The following ATP8A2 variants were observed in gnomAD, a reference collection of about 807,000 sequenced individuals.
The protein encoded by ATP8A2 is phospholipid-transporting ATPase IB.
In ATP8A2, 100 loss-of-function variants were observed where a neutral mutation model predicts 165.6. The ratio of observed to expected loss-of-function variants is 0.60; its 90% confidence interval spans 0.51 to 0.71. The LOEUF (loss-of-function observed/expected upper bound fraction) is 0.71. Ranked by LOEUF, ATP8A2 falls within the 30% of genes least tolerant of loss-of-function variation. ATP8A2 has a pLI of 0.00. For synonymous variants in ATP8A2, 543 were observed against 548.8 expected (o/e 0.99, Z 0.15); for missense variants, 1,227 against 1,479.5 (o/e 0.83, Z 2.80).
intron 2 of ATP8A2, among the ~76,000 whole-genome samples, chr13:25,471,835 ATAAAG>A (rs889067567): frequency 5.9e-5 from 9 of 152,214 alleles, no homozygotes; most frequent in African/African-American, 2.2e-4. Context: ...TTGGTGAGGA[ATAAAG>A]TAGTCAGTTA....
intron 10 of ATP8A2, among the ~76,000 whole-genome samples, chr13:25,545,626 T>C (rs1398664314): frequency 6.6e-6 from 1 of 152,202 alleles, no homozygotes; most frequent in Non-Finnish European, 1.5e-5. Flanking sequence ...TCACTACTTC[T>C]GGCTTTTGTT....
intron 24 of ATP8A2, among the ~76,000 whole-genome samples, chr13:25,606,793 G>A (rs1236446188): frequency 6.6e-6 from 1 of 152,156 alleles, no homozygotes; most frequent in African/African-American, 2.4e-5. Flanking sequence ...GTCACATGTG[G>A]TTATTAATCA....
chr13:26,024,972 G>C lies in ATP8A2; in HGVS notation c.*4987G>C, dbSNP rs550654985. On this transcript the variant is annotated 3_prime_UTR_variant, in exon 37 of 37. Transcript: ENST00000381655. ...GAGCCTTTTATAGGTAAGCTCTTCC[G>C]TGTGAAAGAGAAAAGGCCGGAAAGA... 2 of 152,040 alleles carry C rather than the reference G, an allele frequency of 1.3e-5. No individual in the cohort carries two copies. The highest frequency in any genetic ancestry group is 4.2e-4 in the South Asian group (2 of 4,812). The allele number at this position is 152,040 out of a possible 1,614,324, so 9.4% of individuals were successfully genotyped here.
intron 4 of ATP8A2, among the ~76,000 whole-genome samples, chr13:25,531,327 T>TATATATG (rs1478152800): frequency 3.6e-5 from 3 of 83,318 alleles, no homozygotes; most frequent in Admixed American, 1.3e-4. Flanking sequence ...TTATATATGA[T>TATATATG]ATATATATGT....
At chr13:25,572,123 A>C (rs1330548730) in intron 18 of ATP8A2, among the ~76,000 whole-genome samples, 1 of 149,476 alleles carries the variant, frequency 6.7e-6, no homozygotes, top group African/African-American at 2.5e-5. Context: ...CAGCGTTAAG[A>C]TCTCTCTCTC....
At chr13:25,501,864 G>A (rs1338324346) in intron 2 of ATP8A2, among the ~76,000 whole-genome samples, 1 of 152,206 alleles carries the variant, frequency 6.6e-6, no homozygotes, top group East Asian at 1.9e-4. Flanking sequence ...CCAGAAAGGA[G>A]TAGGACTAGA....
intron 2 of ATP8A2, among the ~76,000 whole-genome samples, chr13:25,528,303 A>C (rs1341339969): frequency 6.6e-6 from 1 of 152,198 alleles, no homozygotes; most frequent in African/African-American, 2.4e-5. Context: ...TCTTCATATA[A>C]CATCACATAC....
At chr13:25,514,809 A>T (rs1211296791) in intron 2 of ATP8A2, among the ~76,000 whole-genome samples, 1 of 152,116 alleles carries the variant, frequency 6.6e-6, no homozygotes, top group Admixed American at 6.5e-5. Flanking sequence ...TGAGCTCTGC[A>T]GGCTGAAACT....
chr13:25,823,439 A>G (rs572055360), intron 27 of ATP8A2, among the ~76,000 whole-genome samples: 30 of 152,274 alleles, frequency 2.0e-4, no homozygotes, highest in African/African-American at 7.0e-4. Flanking sequence ...TATTATTAAT[A>G]TAAGACACGT....
chr13:25,538,015 G>T lies in ATP8A2; in HGVS notation c.535G>T (p.Val179Phe). ...GGCAGTGGGAGACATTGTGAAGGTC[G>T]TCAATGGGCAGTATCTTCCAGCAGA... ...EVAVGDIVKV[V>F]NGQYLPADVV... The change falls in exon 7 of 37, where the codon GTC becomes TTC. Residue 179 changes from valine to phenylalanine, a missense_variant. Around this residue, in one of 5 missense-constraint regions of ATP8A2, gnomAD observed 356 missense variants for 394.9 expected, o/e 0.90. Coordinates refer to ENST00000381655, the MANE Select transcript of ATP8A2 (RefSeq NM_016529.6). The T allele has an allele frequency of 6.2e-7, 1 of 1,613,832 alleles. No individual in the cohort carries two copies. The highest frequency in any genetic ancestry group is 8.5e-7 in the Non-Finnish European group (1 of 1,179,842).
At chr13:25,882,935 A>ATGGTGATGGTGATGGTGATGG (rs1555284470) in intron 33 of ATP8A2, among the ~76,000 whole-genome samples, 1 of 145,652 alleles carries the variant, frequency 6.9e-6, no homozygotes, top group African/African-American at 2.7e-5. Context: ...GATGATGATG[A>ATGGTGATGGTGATGGTGATGG]TGATGGTGAT....
At chr13:25,711,784 A>T (rs75628285) in intron 25 of ATP8A2, among the ~76,000 whole-genome samples, 2,299 of 152,280 alleles carry the variant, frequency 0.015, 43 homozygotes, top group African/African-American at 0.051. Context: ...TAGTCATTTA[A>T]GAGTTAGAAT....
At position 25,461,983 on chromosome 13, in the gene ATP8A2, C is replaced by G. The variant is rs149342661; in HGVS notation, c.77-6994C>G. Among the ~76,000 whole-genome samples the G allele has an allele frequency of 5.9e-4, 90 of 152,246 alleles. 1 individual carries two copies. Among genetic ancestry groups the G allele is most frequent in the African/African-American group, 2.1e-3 (87 of 41,542 alleles). ...TTTGCCAACCCTTGATTTATGTAAT[C>G]GATTTCTATTTTGCAGATAAGGAAA... On this transcript the variant is annotated intron_variant, in intron 1 of 36. Coordinates refer to ENST00000381655, the MANE Select transcript of ATP8A2 (RefSeq NM_016529.6).
chr13:25,884,377 C>A (rs908862024), intron 33 of ATP8A2, among the ~76,000 whole-genome samples: 1 of 152,166 alleles, frequency 6.6e-6, no homozygotes, highest in African/African-American at 2.4e-5. Flanking sequence ...CCCACACGCC[C>A]CACTCCCAAG....
At chr13:25,426,392 G>A (rs184641213) in intron 1 of ATP8A2, among the ~76,000 whole-genome samples, 1 of 152,176 alleles carries the variant, frequency 6.6e-6, no homozygotes, top group Non-Finnish European at 1.5e-5. Flanking sequence ...CATGAGGGCA[G>A]CACCAAGCTT....
chr13:25,927,844 T>A (rs117257393), intron 33 of ATP8A2, among the ~76,000 whole-genome samples: 3,098 of 152,372 alleles, frequency 0.02, 31 homozygotes, highest in Non-Finnish European at 0.031. Flanking sequence ...TTGCTTTGTC[T>A]CCAAACTGTA....
intron 30 of ATP8A2, among the ~76,000 whole-genome samples, chr13:25,854,121 T>C (rs1952087039): frequency 1.3e-5 from 2 of 152,196 alleles, no homozygotes; most frequent in Non-Finnish European, 2.9e-5. Context: ...TTTTGGAATA[T>C]GGTCATGTTT....
chr13:25,505,625 T>C (rs866560854), intron 2 of ATP8A2, among the ~76,000 whole-genome samples: 4 of 152,166 alleles, frequency 2.6e-5, no homozygotes, highest in East Asian at 1.9e-4. Flanking sequence ...CAAATCTGTA[T>C]CCAGAAAGAC....
At chr13:25,911,016 G>T (rs748100629) in intron 33 of ATP8A2, among the ~76,000 whole-genome samples, 38 of 150,938 alleles carry the variant, frequency 2.5e-4, no homozygotes, top group Non-Finnish European at 4.7e-4. Context: ...AATTACCCCT[G>T]CAGGGTCACC....
Sources: gnomAD v4.1 joint callset for allele counts (sites outside exome capture counted in the v4.1 genomes callset) on GRCh38, gnomAD v4.1.1 for gene constraint, gnomAD v4.1.1 regional missense constraint, MANE v1.5 for transcripts, NCBI Gene and HGNC (gene_info 2026-07-23, HGNC 2026-07-21) for gene names.